KAT14: variants seen among roughly 807,000 people sequenced by gnomAD.
KAT14 encodes the protein cysteine-rich protein 2-binding protein.
Under a neutral mutation model 78.4 loss-of-function variants are expected in KAT14, and 66 were observed. The observed-to-expected ratio is 0.84, with a 90% confidence interval of 0.69 to 1.03. The LOEUF (loss-of-function observed/expected upper bound fraction) is 1.03. Among genes scored for constraint, KAT14 ranks in the 50% least tolerant of loss-of-function variants. KAT14 has a pLI of 0.00. For missense variants in KAT14, 870 were observed against 972.5 expected (o/e 0.89, Z 1.40); for synonymous variants, 344 against 359.4 (o/e 0.96, Z 0.48).
At chr20:18,147,661 T>A (rs2037875404) in intron 3 of KAT14, among the ~76,000 whole-genome samples, 1 of 152,240 alleles carries the variant, frequency 6.6e-6, no homozygotes, top group Non-Finnish European at 1.5e-5. Context: ...CTCGGCTCAC[T>A]GCAACCTCCG....
chr20:18,165,538 C>G (rs2038608185), intron 7 of KAT14, among the ~76,000 whole-genome samples: 1 of 152,196 alleles, frequency 6.6e-6, no homozygotes, highest in African/African-American at 2.4e-5. Context: ...CACACTGTGA[C>G]TTCTGACATT....
At chr20:18,147,279 A>G (rs1834168830) in intron 3 of KAT14, among the ~76,000 whole-genome samples, 1 of 152,196 alleles carries the variant, frequency 6.6e-6, no homozygotes, top group African/African-American at 2.4e-5. Context: ...AGAAGTTTGT[A>G]TTGAGGATAG....
intron 8 of KAT14, among the ~76,000 whole-genome samples, chr20:18,182,126 A>AT (rs369646928): frequency 0.12 from 17,648 of 149,170 alleles, 1,350 homozygotes; most frequent in African/African-American, 0.22. Flanking sequence ...ATTTATTATT[A>AT]TTATTTTTTT....
intron 4 of KAT14, among the ~76,000 whole-genome samples, chr20:18,158,856 T>C (rs2038313511): frequency 6.6e-6 from 1 of 152,198 alleles, no homozygotes; most frequent in African/African-American, 2.4e-5. Context: ...AGGTAAGTTC[T>C]ATTATCCTGA....
At chr20:18,147,861 C>T (rs1413771775) in intron 3 of KAT14, among the ~76,000 whole-genome samples, 2 of 152,240 alleles carry the variant, frequency 1.3e-5, no homozygotes, top group Non-Finnish European at 2.9e-5. Flanking sequence ...GCTGGGATTA[C>T]AGGCGTGAGC....
intron 10 of KAT14, 46 bp downstream of exon 10, chr20:18,184,838 CT>C: frequency 1.3e-6 from 2 of 1,547,306 alleles, no homozygotes; most frequent in Non-Finnish European, 1.7e-6. Flanking sequence ...CTGGGCTCCC[CT>C]GAACAACCTG....
At chr20:18,163,999 C>G (rs1190344968) in intron 7 of KAT14, among the ~76,000 whole-genome samples, 1 of 152,218 alleles carries the variant, frequency 6.6e-6, no homozygotes, top group Non-Finnish European at 1.5e-5. Flanking sequence ...ATTCGGAACT[C>G]TTCAACTCTG....
intron 7 of KAT14, among the ~76,000 whole-genome samples, chr20:18,179,370 T>G (rs1223723280): frequency 6.6e-6 from 1 of 152,214 alleles, no homozygotes; most frequent in East Asian, 1.9e-4. Context: ...TAGCAGAGAT[T>G]ATCCATGAGG....
chr20:18,179,317 C>CT (rs2039164449), intron 7 of KAT14, among the ~76,000 whole-genome samples: 1 of 152,206 alleles, frequency 6.6e-6, no homozygotes, highest in African/African-American at 2.4e-5. Context: ...AGTAGGGACT[C>CT]TGTGTGGGGG....
Position 18,162,653 on chromosome 20 carries a change from A to G in KAT14, c.1376A>G (p.Tyr459Cys), listed in dbSNP as rs539426488. Residue 459 changes from tyrosine to cysteine, a missense_variant, in exon 7 of 11, where the codon TAT (tyrosine) becomes TGT (cysteine). Tyr to Cys is a radical substitution (Grantham distance 194, BLOSUM62 -2). Coordinates refer to ENST00000688188, the MANE Select transcript of KAT14 (RefSeq NM_001392073.1). ...GACACAAAGCCGAAAGAGCCCAGGT[A>G]TACTCCCGTGAGCATCTACGAGGAA... ...EKDTKPKEPR[Y>C]TPVSIYEEKL... 1.1e-5 allele frequency: 18 copies of G among 1,614,206 alleles called. No homozygotes were observed. The highest frequency in any genetic ancestry group is 2.2e-5 in the East Asian group (1 of 44,888).
At chr20:18,153,674 A>G (rs992062656) in intron 4 of KAT14, among the ~76,000 whole-genome samples, 1 of 152,228 alleles carries the variant, frequency 6.6e-6, no homozygotes, top group African/African-American at 2.4e-5. Flanking sequence ...TGCCAATGAA[A>G]GGCATTAATT....
rs1371510604 is a variant in KAT14, at chr20:18,145,226, C to T, written c.260-7C>T. Reference sequence around the variant, plus strand: ...ACCCATGATGTGACTTTTTGTTTTTCTCCTAGGTCAGCTGAGGGAACAGCT... The same window carrying T: ...ACCCATGATGTGACTTTTTGTTTTTTTCCTAGGTCAGCTGAGGGAACAGCT... On this transcript the variant is annotated splice_polypyrimidine_tract_variant and splice_region_variant and intron_variant, in intron 2 of 10. Transcript: ENST00000688188. 2 of 1,611,934 alleles carry T rather than the reference C, an allele frequency of 1.2e-6. No homozygotes were observed. The highest frequency in any genetic ancestry group is 1.1e-5 in the South Asian group (1 of 90,774).
At chr20:18,181,364 C>CTTTTTTTTTTTTTTT (rs762890490) in intron 7 of KAT14, among the ~76,000 whole-genome samples, 8 of 106,802 alleles carry the variant, frequency 7.5e-5, no homozygotes, top group Admixed American at 2.2e-4. Context: ...AATTTTGTTT[C>CTTTTTTTTTTTTTTT]TTTTTTTTTT....
intron 7 of KAT14, among the ~76,000 whole-genome samples, chr20:18,180,741 C>T (rs1319387241): frequency 6.6e-6 from 1 of 152,110 alleles, no homozygotes; most frequent in East Asian, 1.9e-4. Flanking sequence ...GATGCAAAAG[C>T]AGAAACCCCT....
rs182385399 is a variant in KAT14, at chr20:18,145,792, A to T, written c.378+441A>T. 4.0e-3 allele frequency among the ~76,000 whole-genome samples: 612 copies of T among 152,156 alleles called. 5 individuals are homozygous for T. The highest frequency in any genetic ancestry group is 0.013 in the South Asian group (64 of 4,816). On this transcript the variant is annotated intron_variant, in intron 3 of 10. Coordinates refer to ENST00000688188, the MANE Select transcript of KAT14 (RefSeq NM_001392073.1). Reference sequence around the variant, plus strand: ...TGTGACTCCTTTTCAAAAAAAAAAAAATATATTCACTGCTGACTTGGTGAA... The same window carrying T: ...TGTGACTCCTTTTCAAAAAAAAAAATATATATTCACTGCTGACTTGGTGAA...
rs775800190 is a variant in KAT14, at chr20:18,162,684, G to C, written c.1407G>C (p.Leu469=). ...YTPVSIYEEK[L]LLKRLEACPG... is the part of the protein sequence containing the mutation. ...CCGTGAGCATCTACGAGGAAAAGCT[G>C]CTGCTCAAGAGGCTGGAAGCTTGTC... The change falls in exon 7 of 11, where the codon CTG becomes CTC. Residue 469 remains leucine, a synonymous_variant. Transcript: ENST00000688188. The C allele has an allele frequency of 3.7e-6, 6 of 1,614,116 alleles. No individual in the cohort carries two copies. Among genetic ancestry groups the C allele is most frequent in the Middle Eastern group, 1.6e-4 (1 of 6,084 alleles).
chr20:18,162,938 G>A lies in KAT14; in HGVS notation c.1661G>A (p.Arg554Gln), dbSNP rs763550019. ...TGTCAGGACTTCAGAATCCTTGACCGATACCAGGTGAATGCAAGCACTTGC... is the reference window on the plus strand; with the variant it reads ...TGTCAGGACTTCAGAATCCTTGACCAATACCAGGTGAATGCAAGCACTTGC... ...TTCQDFRILDRYQTSLPSRKG... is the reference protein window; with the variant it reads ...TTCQDFRILDQYQTSLPSRKG... The change falls in exon 7 of 11, where the codon CGA becomes CAA. Residue 554 changes from arginine to glutamine, a missense_variant. Coordinates refer to ENST00000688188, the MANE Select transcript of KAT14 (RefSeq NM_001392073.1). 9 of 1,613,408 alleles carry A rather than the reference G, an allele frequency of 5.6e-6. No homozygotes were observed. The highest frequency in any genetic ancestry group is 2.7e-5 in the African/African-American group (2 of 74,910).
intron 2 of KAT14, among the ~76,000 whole-genome samples, chr20:18,143,951 G>A (rs78667752): frequency 0.02 from 3,044 of 152,300 alleles, 34 homozygotes; most frequent in Middle Eastern, 0.051. Flanking sequence ...ATTTTCAATG[G>A]CCAGCTTCCT....
At chr20:18,181,897 A>T in intron 8 of KAT14, 51 bp downstream of exon 8, 1 of 1,603,732 alleles carries the variant, frequency 6.2e-7, no homozygotes, top group Non-Finnish European at 8.5e-7. Context: ...AGGGATAATG[A>T]TTGTGGTTTC....
Sources: gnomAD v4.1 joint callset for allele counts (sites outside exome capture counted in the v4.1 genomes callset) on GRCh38, gnomAD v4.1.1 for gene constraint, MANE v1.5 for transcripts, NCBI Gene and HGNC (gene_info 2026-07-23, HGNC 2026-07-21) for gene names.